Variants in KIAA1549L observed in about 807,000 individuals in gnomAD.
KIAA1549L encodes the protein KIAA1549 like.
Under a neutral mutation model 160.7 loss-of-function variants are expected in KIAA1549L, and 88 were observed. The observed-to-expected ratio is 0.55, with a 90% CI of 0.46 to 0.65. The LOEUF is 0.65. KIAA1549L is among the 30% of genes least tolerant of loss of function. The probability of loss-of-function intolerance (pLI) is 0.00; values close to 1 mark genes in which losing one functional copy is unlikely to be tolerated. For missense variants in KIAA1549L, 2,258 were observed against 2,437.5 expected (o/e 0.93, Z 1.55); for synonymous variants, 950 against 976.7 (o/e 0.97, Z 0.51).
At chr11:33,588,151 T>C (rs1017261988) in intron 11 of KIAA1549L, among the ~76,000 whole-genome samples, 3 of 152,174 alleles carry the variant, frequency 2.0e-5, no homozygotes, top group Non-Finnish European at 4.4e-5. Context: ...TGCAATGATA[T>C]AAGTTGTATA....
At chr11:33,485,775 C>G (rs1168763609) in intron 1 of KIAA1549L, among the ~76,000 whole-genome samples, 1 of 152,088 alleles carries the variant, frequency 6.6e-6, no homozygotes, top group African/African-American at 2.4e-5. Flanking sequence ...CTAACATCTC[C>G]CCATTCCCAC....
At chr11:33,657,589 G>C (rs1054709144) in intron 18 of KIAA1549L, among the ~76,000 whole-genome samples, 10 of 152,102 alleles carry the variant, frequency 6.6e-5, no homozygotes, top group African/African-American at 2.4e-4. Context: ...TTGAGGCCAG[G>C]AGTTTGAGAC....
At chr11:33,658,552 G>A (rs577968143) in intron 18 of KIAA1549L, among the ~76,000 whole-genome samples, 198 bp from the exon 19 acceptor site, 29 of 152,292 alleles carry the variant, frequency 1.9e-4, no homozygotes, top group African/African-American at 7.0e-4. Context: ...CATGACAGCT[G>A]CTACAAGTCT....
In KIAA1549L at chr11:33,544,261, T is replaced by G; in HGVS notation, c.2698T>G (p.Ser900Ala). ...ILGYHSAAES[S>A]ISTSVFPRTS... The stretch of plus-strand genomic sequence containing the variant: ...GGGATATCACTCTGCTGCTGAATCT[T>G]CTATATCGACCAGTGTCTTTCCCAG... The change falls in exon 2 of 21, where the codon TCT becomes GCT. Residue 900 changes from serine (S) to alanine (A), a missense_variant. Physicochemically the swap from Ser to Ala is moderately conservative, Grantham distance 99. Transcript: ENST00000658780. 6.2e-7 allele frequency: 1 copy of G among 1,614,014 alleles called. No individual in the cohort carries two copies. Among genetic ancestry groups the G allele is most frequent in the Non-Finnish European group, 8.5e-7 (1 of 1,179,886 alleles).
intron 15 of KIAA1549L, among the ~76,000 whole-genome samples, chr11:33,610,434 A>T (rs1373659005): frequency 6.6e-6 from 1 of 152,124 alleles, no homozygotes; most frequent in Non-Finnish European, 1.5e-5. Flanking sequence ...TCATTCACAG[A>T]CTTGTTCATT....
chr11:33,409,932 C>T (rs1404961243), intron 1 of KIAA1549L, among the ~76,000 whole-genome samples: 1 of 152,108 alleles, frequency 6.6e-6, no homozygotes. Context: ...CAGAAAAATC[C>T]ACAAGGGAGT....
intron 1 of KIAA1549L, among the ~76,000 whole-genome samples, chr11:33,537,868 C>A (rs1853927935): frequency 1.3e-5 from 2 of 152,186 alleles, no homozygotes; most frequent in Non-Finnish European, 2.9e-5. Context: ...ATTTTGCATT[C>A]TACTCAAGAA....
intron 13 of KIAA1549L, among the ~76,000 whole-genome samples, chr11:33,601,773 T>G (rs944193478): frequency 5.9e-5 from 9 of 152,216 alleles, no homozygotes; most frequent in Non-Finnish European, 1.5e-5. Flanking sequence ...TTTTCTTTTA[T>G]GTAAAAAAGA....
In KIAA1549L at chr11:33,512,883, C is replaced by G. The variant is rs1054168244; in HGVS notation, c.239-28919C>G. Among the ~76,000 whole-genome samples the G allele has an allele frequency of 1.4e-4, 22 of 152,304 alleles. No individual in the cohort carries two copies. The East Asian group carries it at 4.0e-3, about 28-fold the overall frequency. ...ATAAATCTGAAGCTTGGGTTTTAAT[C>G]TGAGTCTGTCAGATTCTAAGGCTCA... On this transcript the variant is annotated intron_variant, in intron 1 of 20. Transcript: ENST00000658780.
chr11:33,460,880 A>G (rs1851927484), intron 1 of KIAA1549L, among the ~76,000 whole-genome samples: 1 of 152,162 alleles, frequency 6.6e-6, no homozygotes, highest in Non-Finnish European at 1.5e-5. Context: ...GTTTACATAC[A>G]CATGTTTATA....
rs562543043 is a variant in KIAA1549L at position 33,448,671 on chromosome 11, C to G, written c.238+71782C>G. Among the ~76,000 whole-genome samples, 223 of 152,302 alleles carry G rather than the reference C, an allele frequency of 1.5e-3. 2 individuals carry two copies. Among genetic ancestry groups the G allele is most frequent in the African/African-American group, 5.1e-3 (212 of 41,560 alleles). ...TTCTTCCTCAGTGCGGGAACGCTGG[C>G]ATGCCAGAAAGTGCTTTTCTGTGAC... On this transcript the variant is annotated intron_variant, in intron 1 of 20. Coordinates refer to ENST00000658780, the MANE Select transcript of KIAA1549L (RefSeq NM_012194.3).
intron 12 of KIAA1549L, among the ~76,000 whole-genome samples, chr11:33,595,747 C>G (rs756193426): frequency 2.0e-5 from 3 of 152,166 alleles, no homozygotes; most frequent in Non-Finnish European, 4.4e-5. Context: ...CTCATTCCTG[C>G]TAGATAAAGA....
intron 9 of KIAA1549L, among the ~76,000 whole-genome samples, chr11:33,571,172 A>G (rs1166208448): frequency 6.6e-6 from 1 of 152,164 alleles, no homozygotes; most frequent in Non-Finnish European, 1.5e-5. Flanking sequence ...ACTCCCAGCT[A>G]CTCGGGAGGC....
At chr11:33,596,827 A>T (rs1277269641) in intron 12 of KIAA1549L, among the ~76,000 whole-genome samples, 3 of 152,122 alleles carry the variant, frequency 2.0e-5, no homozygotes, top group Non-Finnish European at 4.4e-5. Context: ...ACGCAAATTA[A>T]AGCCTTTTGT....
At chr11:33,417,705 C>G in intron 1 of KIAA1549L, among the ~76,000 whole-genome samples, 1 of 152,206 alleles carries the variant, frequency 6.6e-6, no homozygotes, top group East Asian at 1.9e-4. Context: ...AACCATCCTA[C>G]TCTAGGGAGC....
At chr11:33,430,461 C>T (rs1028944294) in intron 1 of KIAA1549L, among the ~76,000 whole-genome samples, 1 of 152,158 alleles carries the variant, frequency 6.6e-6, no homozygotes, top group Non-Finnish European at 1.5e-5. Context: ...CCTGAACTTG[C>T]CCTGAGGCTA....
chr11:33,426,439 G>A (rs977415796), intron 1 of KIAA1549L, among the ~76,000 whole-genome samples: 14 of 152,162 alleles, frequency 9.2e-5, no homozygotes, highest in African/African-American at 3.1e-4. Context: ...CTTGACTGAT[G>A]GAGTTCCTGA....
At chr11:33,490,227 C>G (rs1852625221) in intron 1 of KIAA1549L, among the ~76,000 whole-genome samples, 1 of 151,992 alleles carries the variant, frequency 6.6e-6, no homozygotes, top group Non-Finnish European at 1.5e-5. Flanking sequence ...GTTGAGAACA[C>G]TGGGGAGAAC....
intron 12 of KIAA1549L, among the ~76,000 whole-genome samples, chr11:33,592,986 G>A (rs1228700323): frequency 6.6e-6 from 1 of 152,198 alleles, no homozygotes; most frequent in African/African-American, 2.4e-5. Flanking sequence ...GGGAGGAAGT[G>A]GTGGCAGATG....
Sources: gnomAD v4.1 joint callset for allele counts (sites outside exome capture counted in the v4.1 genomes callset) on GRCh38, gnomAD v4.1.1 for gene constraint, MANE v1.5 for transcripts, NCBI Gene and HGNC (gene_info 2026-07-23, HGNC 2026-07-21) for gene names.